The following CHD1L variants were observed in gnomAD, a reference collection of about 807,000 sequenced individuals.
The protein encoded by CHD1L is ATP-dependent chromatin remodeler CHD1L.
Under a neutral mutation model 115.9 loss-of-function variants are expected in CHD1L, and 118 were observed. That is an observed-to-expected ratio of 1.02 (90% CI 0.88 to 1.19). The LOEUF (loss-of-function observed/expected upper bound fraction) is 1.19. Ranked by LOEUF, CHD1L falls within the 50% of genes most tolerant of loss-of-function variation. The pLI is 0.00. For missense variants in CHD1L, 1,179 were observed against 1,065.3 expected (o/e 1.11, Z -1.49); for synonymous variants, 411 against 387.1 (o/e 1.06, Z -0.72).
chr1:147,177,572 T>G, the CHD1L span, among the ~76,000 whole-genome samples: 2 of 152,218 alleles, frequency 1.3e-5, no homozygotes, highest in Admixed American at 1.3e-4. Context: ...ACATCTCTAG[T>G]ATGTCATTAG....
upstream of CHD1L, among the ~76,000 whole-genome samples, chr1:147,241,170 A>G (rs1171748416): frequency 6.6e-6 from 1 of 152,154 alleles, no homozygotes; most frequent in Non-Finnish European, 1.5e-5. Flanking sequence ...GGCACATAGT[A>G]TGTAATTCAG....
At chr1:147,205,215 A>T in the CHD1L span, among the ~76,000 whole-genome samples, 1 of 152,236 alleles carries the variant, frequency 6.6e-6, no homozygotes. Flanking sequence ...AAAAACATGC[A>T]TGCTAAAATA....
chr1:147,254,289 C>T (rs890252828), intron 2 of CHD1L, among the ~76,000 whole-genome samples: 1 of 152,046 alleles, frequency 6.6e-6, no homozygotes, highest in African/African-American at 2.4e-5. Context: ...GAGGGCTGGG[C>T]GTTTTGTCGG....
the CHD1L span, among the ~76,000 whole-genome samples, chr1:147,228,288 C>T: frequency 3.3e-5 from 5 of 151,524 alleles, no homozygotes; most frequent in African/African-American, 7.3e-5. Flanking sequence ...CAACAGTTTG[C>T]TGAGAATGAT....
At chr1:147,182,314 CTTCT>C in the CHD1L span, among the ~76,000 whole-genome samples, 1 of 152,166 alleles carries the variant, frequency 6.6e-6, no homozygotes, top group Non-Finnish European at 1.5e-5. Flanking sequence ...TTTCTCCTTC[CTTCT>C]GTGTAGAATG....
chr1:147,225,256 G>T, the CHD1L span: 2 of 1,192,098 alleles, frequency 1.7e-6, no homozygotes, highest in South Asian at 1.7e-5. Flanking sequence ...ACCCAGAGCT[G>T]AGAGTGCTCT....
intron 1 of CHD1L, among the ~76,000 whole-genome samples, chr1:147,248,210 A>ATTTTTTTT (rs782741705): frequency 1.3e-5 from 2 of 150,016 alleles, no homozygotes; most frequent in Non-Finnish European, 1.5e-5. Flanking sequence ...TGGAAGTCTT[A>ATTTTTTTT]TTTTTTTTTT....
At chr1:147,283,175 G>A (rs1006295180) in intron 15 of CHD1L, among the ~76,000 whole-genome samples, 2 of 152,112 alleles carry the variant, frequency 1.3e-5, no homozygotes, top group African/African-American at 4.8e-5. Flanking sequence ...ACACTTCTCA[G>A]CTCTATTTTT....
the CHD1L span, chr1:147,178,889 A>C: frequency 6.4e-7 from 1 of 1,570,156 alleles, no homozygotes; most frequent in African/African-American, 1.3e-5. Context: ...CAGGGCAAGG[A>C]CTTACTTATT....
chr1:147,258,260 CT>C (rs1670749434), intron 5 of CHD1L, among the ~76,000 whole-genome samples: 2 of 152,170 alleles, frequency 1.3e-5, no homozygotes, highest in Admixed American at 1.3e-4. Context: ...TTTCCCCCAT[CT>C]TTTCCTCTTC....
chr1:147,266,580 C>A (rs1473937672), intron 8 of CHD1L, among the ~76,000 whole-genome samples: 1 of 152,204 alleles, frequency 6.6e-6, no homozygotes, highest in African/African-American at 2.4e-5. Context: ...TGCGTATCCA[C>A]GCCGTCAGCG....
At chr1:147,266,117 A>G (rs1220886557) in intron 8 of CHD1L, 30 bp downstream of exon 8, 38 of 1,577,502 alleles carry the variant, frequency 2.4e-5, no homozygotes, top group Non-Finnish European at 3.3e-5. Context: ...CCATTTAGAA[A>G]CTAAATGAGG....
chr1:147,186,413 A>T, the CHD1L span: 1 of 906,758 alleles, frequency 1.1e-6, no homozygotes, highest in Non-Finnish European at 1.3e-6. Context: ...CAACTATTGT[A>T]GGAACATTAT....
At position 147,255,113 on chromosome 1, in the gene CHD1L, T is replaced by C. The variant is rs948664499; in HGVS notation, c.347+137T>C. The stretch of plus-strand genomic sequence containing the variant: ...TCCAGAAAACTTTGAGCTGATAGAG[T>C]GTAGGTAGACACTGAGGATATAATA... On this transcript the variant is annotated intron_variant, in intron 3 of 22. Coordinates refer to ENST00000369258, the MANE Select transcript of CHD1L (RefSeq NM_004284.6). The C allele has an allele frequency of 2.3e-5, 13 of 575,216 alleles. No individual in the cohort carries two copies. In the Admixed American group the frequency reaches 2.4e-4, roughly 11 times the overall value. 35.6% of individuals were successfully genotyped at this position (575,216 alleles called of 1,614,324 possible).
At chr1:147,263,895 C>T (rs1356274009) in intron 6 of CHD1L, among the ~76,000 whole-genome samples, 1 of 151,978 alleles carries the variant, frequency 6.6e-6, no homozygotes, top group Non-Finnish European at 1.5e-5. Flanking sequence ...GTGCTGTGTC[C>T]AGAAACATCC....
At chr1:147,287,868 TTAGC>T in intron 19 of CHD1L, 135 bp downstream of exon 19, 1 of 653,370 alleles carries the variant, frequency 1.5e-6, no homozygotes, top group Non-Finnish European at 2.5e-6. Context: ...CTGTCATAAA[TTAGC>T]TACTTGTTCT....
rs782228698 is a variant in CHD1L, at chr1:147,280,129, G to A, written c.1643G>A (p.Gly548Asp). The change falls in exon 15 of 23, where the codon GGC (glycine) becomes GAC (aspartate). Residue 548 changes from glycine (G) to aspartate (D), a missense_variant. By Grantham distance (94) the Gly-to-Asp change is moderately conservative. Transcript: ENST00000369258. Reference sequence around the variant, plus strand: ...TCCATCCTGGGAGAAACAAAAGATGGCCAGTGGGTCTCTGATGCCTTGCCT... The same window carrying A: ...TCCATCCTGGGAGAAACAAAAGATGACCAGTGGGTCTCTGATGCCTTGCCT... ...LESILGETKD[G>D]QWVSDALPAA... The A allele has an allele frequency of 6.2e-7, 1 of 1,613,630 alleles. No individual in the cohort carries two copies. Among genetic ancestry groups the A allele is most frequent in the Non-Finnish European group, 8.5e-7 (1 of 1,179,832 alleles).
At chr1:147,217,922 T>C in the CHD1L span, among the ~76,000 whole-genome samples, 109 of 152,256 alleles carry the variant, frequency 7.2e-4, no homozygotes, top group Admixed American at 6.3e-3. Flanking sequence ...CCCCACAGCA[T>C]CCACAATGAT....
At chr1:147,204,888 G>A in the CHD1L span, 1 of 1,587,010 alleles carries the variant, frequency 6.3e-7, no homozygotes, top group African/African-American at 1.3e-5. Context: ...CTCCCTCCTT[G>A]AGCATCTGGG....
Sources: gnomAD v4.1 joint callset for allele counts (sites outside exome capture counted in the v4.1 genomes callset) on GRCh38, gnomAD v4.1.1 for gene constraint, MANE v1.5 for transcripts, NCBI Gene and HGNC (gene_info 2026-07-23, HGNC 2026-07-21) for gene names.